Variants in AK4 observed in about 807,000 individuals in gnomAD.
AK4 encodes the protein adenylate kinase 4.
Under a neutral mutation model 24.6 loss-of-function variants are expected in AK4, and 13 were observed. The observed-to-expected ratio is 0.53, with a 90% CI of 0.34 to 0.84. The LOEUF is 0.84. Among genes scored for constraint, AK4 ranks in the 40% least tolerant of loss-of-function variants. The pLI, the probability that AK4 is intolerant of heterozygous loss-of-function variation, is 0.01. For synonymous variants in AK4, 88 were observed against 107.0 expected, an observed-to-expected ratio of 0.82 and a Z score of 1.10; for missense variants, 192 against 288.2, an observed-to-expected ratio of 0.67 and a Z score of 2.42.
chr1:65,223,720 C>T (rs533792697), intron 3 of AK4, among the ~76,000 whole-genome samples: 47 of 152,100 alleles, frequency 3.1e-4, no homozygotes, highest in East Asian at 1.7e-3. Flanking sequence ...ACCAGCCAGG[C>T]GCAGTGGCTT....
At chr1:65,217,117 G>A (rs1296456101) in intron 2 of AK4, among the ~76,000 whole-genome samples, 1 of 152,218 alleles carries the variant, frequency 6.6e-6, no homozygotes, top group African/African-American at 2.4e-5. Flanking sequence ...ATGGCTCACA[G>A]GCAGTAAGGA....
At chr1:65,221,533 T>C (rs1652294266) in intron 3 of AK4, among the ~76,000 whole-genome samples, 1 of 152,044 alleles carries the variant, frequency 6.6e-6, no homozygotes, top group Non-Finnish European at 1.5e-5. Context: ...GGCGACAGAG[T>C]AAGACCTGGC....
chr1:65,160,649 G>C (rs1360744401), intron 1 of AK4, among the ~76,000 whole-genome samples: 3 of 152,050 alleles, frequency 2.0e-5, no homozygotes, highest in Non-Finnish European at 4.4e-5. Context: ...GGCTAGAGTG[G>C]AGTGGTGCAA....
chr1:65,206,113 A>G (rs1651804521), intron 2 of AK4, among the ~76,000 whole-genome samples: 1 of 152,148 alleles, frequency 6.6e-6, no homozygotes, highest in Non-Finnish European at 1.5e-5. Flanking sequence ...ATAATGTGAC[A>G]TTATGTATTT....
chr1:65,190,564 T>C, intron 1 of AK4, 146 bp from the exon 2 acceptor site: 1 of 899,744 alleles, frequency 1.1e-6, no homozygotes, highest in Non-Finnish European at 1.6e-6. Flanking sequence ...GACGTGAATA[T>C]TTTAAAAACT....
Position 65,148,268 on chromosome 1 carries a change from C to A in AK4, c.-140C>A. ...GGGGTTGTCTTAAAAGTCTCTCCTT[C>A]CCCCTGTAGGGGCGGCCGGCGAGTC... On this transcript the variant is annotated 5_prime_UTR_variant, in exon 1 of 5. Coordinates refer to ENST00000327299, the MANE Select transcript of AK4 (RefSeq NM_013410.4). The A allele has an allele frequency of 1.6e-6, 2 of 1,258,418 alleles. No individual in the cohort carries two copies. Among genetic ancestry groups the A allele is most frequent in the South Asian group, 1.6e-5 (1 of 62,696 alleles). The allele number at this position is 1,258,418 out of a possible 1,614,324, so 78.0% of individuals were successfully genotyped here. A position where few individuals can be genotyped will look rare whatever the true frequency, so the allele number is the denominator to read the frequency against.
chr1:65,186,819 A>G (rs1248809819), intron 1 of AK4, among the ~76,000 whole-genome samples: 1 of 152,174 alleles, frequency 6.6e-6, no homozygotes, highest in Non-Finnish European at 1.5e-5. Context: ...CACAGGTATT[A>G]CCCAAGAGAA....
At chr1:65,209,318 A>C (rs933477877) in intron 2 of AK4, among the ~76,000 whole-genome samples, 3 of 152,240 alleles carry the variant, frequency 2.0e-5, no homozygotes, top group Non-Finnish European at 2.9e-5. Flanking sequence ...ATATATTCAC[A>C]TTTGGAATGG....
At chr1:65,168,133 A>C (rs977416338) in intron 1 of AK4, among the ~76,000 whole-genome samples, 2 of 145,592 alleles carry the variant, frequency 1.4e-5, no homozygotes, top group Non-Finnish European at 3.0e-5. Context: ...TTAGTAGGTT[A>C]CTCTGCATAT....
chr1:65,188,099 G>GGT (rs575532662), intron 1 of AK4, among the ~76,000 whole-genome samples: 28 of 152,168 alleles, frequency 1.8e-4, no homozygotes, highest in African/African-American at 6.5e-4. Flanking sequence ...CTAAATTAAA[G>GGT]GTGAAAGTGG....
chr1:65,159,835 G>C (rs550944910), intron 1 of AK4, among the ~76,000 whole-genome samples: 1 of 152,074 alleles, frequency 6.6e-6, no homozygotes, highest in South Asian at 2.1e-4. Flanking sequence ...GGGCATGGTG[G>C]TGTGCGCCTG....
chr1:65,228,197 A>G lies in AK4; in HGVS notation c.*2020A>G, dbSNP rs1652524841. The G allele has an allele frequency of 6.6e-6, 1 of 152,166 alleles. No homozygotes were observed. The highest frequency in any genetic ancestry group is 3.4e-3 in the Middle Eastern group (1 of 294). 9.4% of individuals were successfully genotyped at this position (152,166 alleles called of 1,614,324 possible). The stretch of plus-strand genomic sequence containing the variant: ...AATTTCCACAAACTAGGAAATGTAG[A>G]GAGTTATTCTATAGAATACTCAAAA... On this transcript the variant is annotated 3_prime_UTR_variant, in exon 5 of 5. Coordinates refer to ENST00000327299, the MANE Select transcript of AK4 (RefSeq NM_013410.4).
chr1:65,177,177 A>G (rs916450259), intron 1 of AK4, among the ~76,000 whole-genome samples: 5 of 152,190 alleles, frequency 3.3e-5, no homozygotes, highest in African/African-American at 1.2e-4. Flanking sequence ...AGACTAAATG[A>G]CAAAGGAAAG....
intron 1 of AK4, among the ~76,000 whole-genome samples, chr1:65,175,404 C>G (rs1246018650): frequency 6.6e-6 from 1 of 152,196 alleles, no homozygotes; most frequent in Non-Finnish European, 1.5e-5. Flanking sequence ...GCAATCCATC[C>G]TGTGTGAGCA....
intron 1 of AK4, among the ~76,000 whole-genome samples, chr1:65,188,618 A>G (rs990215868): frequency 7.7e-4 from 117 of 151,566 alleles, no homozygotes; most frequent in African/African-American, 2.7e-3. Context: ...AGCTGGGACT[A>G]CAGGCGCCTA....
intron 3 of AK4, among the ~76,000 whole-genome samples, chr1:65,223,135 C>T (rs1474599774): frequency 6.6e-6 from 1 of 151,284 alleles, no homozygotes; most frequent in Non-Finnish European, 1.5e-5. Context: ...TTTCTCTTTT[C>T]CTTAATTTTA....
chr1:65,161,520 G>A (rs983536443), intron 1 of AK4, among the ~76,000 whole-genome samples: 5 of 152,064 alleles, frequency 3.3e-5, no homozygotes, highest in South Asian at 4.1e-4. Flanking sequence ...TTAATCTCTC[G>A]AAGTCCATTT....
chr1:65,157,345 G>A (rs1164240737), intron 1 of AK4, among the ~76,000 whole-genome samples: 2 of 152,170 alleles, frequency 1.3e-5, no homozygotes, highest in South Asian at 2.1e-4. Flanking sequence ...TGAATGTCCT[G>A]GTAAATGTGT....
chr1:65,176,614 G>T (rs577583037), intron 1 of AK4, among the ~76,000 whole-genome samples: 1 of 152,128 alleles, frequency 6.6e-6, no homozygotes, highest in Non-Finnish European at 1.5e-5. Context: ...GCTGGTGTGG[G>T]GAGGCTAGTC....
Sources: gnomAD v4.1 joint callset for allele counts (sites outside exome capture counted in the v4.1 genomes callset) on GRCh38, gnomAD v4.1.1 for gene constraint, MANE v1.5 for transcripts, NCBI Gene and HGNC (gene_info 2026-07-23, HGNC 2026-07-21) for gene names.